The following PRELID2 variants were observed in gnomAD, a reference collection of about 807,000 sequenced individuals.
The protein encoded by PRELID2 is PRELI domain-containing protein 2.
Under a neutral mutation model 28.4 loss-of-function variants are expected in PRELID2, and 25 were observed. The observed-to-expected ratio is 0.88, with a 90% CI of 0.64 to 1.23. The LOEUF (loss-of-function observed/expected upper bound fraction) is 1.23, where lower values mean the gene tolerates loss of function less well. PRELID2 is among the 50% of genes most tolerant of loss of function. The pLI is 0.00. For synonymous variants in PRELID2, 76 were observed against 71.6 expected, an observed-to-expected ratio of 1.06 and a Z score of -0.31; for missense variants, 201 against 214.4, an observed-to-expected ratio of 0.94 and a Z score of 0.39.
intron 1 of PRELID2, among the ~76,000 whole-genome samples, chr5:145,636,082 G>T (rs1753996029): frequency 6.6e-6 from 1 of 152,180 alleles, no homozygotes; most frequent in South Asian, 2.1e-4. Flanking sequence ...ACCACATCCT[G>T]CTGAATTATT....
chr5:145,346,946 G>C, the PRELID2 span, among the ~76,000 whole-genome samples: 1 of 152,122 alleles, frequency 6.6e-6, no homozygotes, highest in African/African-American at 2.4e-5. Context: ...GCTTGATCTG[G>C]ATAAAGAAAT....
chr5:145,317,164 A>AG, the PRELID2 span, among the ~76,000 whole-genome samples: 1 of 152,238 alleles, frequency 6.6e-6, no homozygotes, highest in Admixed American at 6.5e-5. Context: ...CCAGTTTAAT[A>AG]GGTGCTTTCA....
the PRELID2 span, among the ~76,000 whole-genome samples, chr5:145,273,374 C>G: frequency 6.6e-6 from 1 of 152,054 alleles, no homozygotes; most frequent in Admixed American, 6.6e-5. Flanking sequence ...CCACCCGCTA[C>G]CACCTGCCCT....
the PRELID2 span, among the ~76,000 whole-genome samples, chr5:145,391,091 G>T: frequency 2.6e-5 from 4 of 152,178 alleles, no homozygotes; most frequent in Admixed American, 1.3e-4. Flanking sequence ...ATGGGCTGAT[G>T]TTGAGTGTCT....
the PRELID2 span, among the ~76,000 whole-genome samples, chr5:145,320,736 A>G: frequency 6.6e-6 from 1 of 152,204 alleles, no homozygotes; most frequent in Admixed American, 6.5e-5. Flanking sequence ...TATTTGTACC[A>G]TAAGCAGAAA....
chr5:145,474,088 G>C (rs1195262450), intron 1 of PRELID2, among the ~76,000 whole-genome samples: 1 of 152,132 alleles, frequency 6.6e-6, no homozygotes, highest in African/African-American at 2.4e-5. Flanking sequence ...GCAAAGAAAA[G>C]TACTCAATCC....
At chr5:145,565,951 C>A (rs1190753283) in intron 1 of PRELID2, among the ~76,000 whole-genome samples, 3 of 152,154 alleles carry the variant, frequency 2.0e-5, no homozygotes, top group Non-Finnish European at 4.4e-5. Flanking sequence ...GATAGAATGA[C>A]CACATGGACA....
the PRELID2 span, among the ~76,000 whole-genome samples, chr5:145,428,398 C>A: frequency 1.3e-5 from 2 of 152,038 alleles, no homozygotes; most frequent in South Asian, 4.2e-4. Flanking sequence ...CACTTCTAAG[C>A]TTTTCTAGGC....
At chr5:145,410,436 T>G in the PRELID2 span, among the ~76,000 whole-genome samples, 1 of 152,138 alleles carries the variant, frequency 6.6e-6, no homozygotes, top group Non-Finnish European at 1.5e-5. Context: ...TATCATGCTG[T>G]TATGGAGAAA....
intron 1 of PRELID2, among the ~76,000 whole-genome samples, chr5:145,563,890 G>A (rs1031938620): frequency 2.0e-5 from 3 of 152,244 alleles, no homozygotes; most frequent in Middle Eastern, 3.4e-3. Context: ...CTGTGAGAAT[G>A]CCAGAAATTC....
chr5:145,710,335 G>A (rs915475083), intron 1 of PRELID2, among the ~76,000 whole-genome samples: 2 of 152,136 alleles, frequency 1.3e-5, no homozygotes, highest in African/African-American at 4.8e-5. Context: ...GTCTATGTGG[G>A]ATATTTTCCC....
chr5:145,519,760 C>A (rs2126648768), intron 1 of PRELID2, among the ~76,000 whole-genome samples: 1 of 152,076 alleles, frequency 6.6e-6, no homozygotes, highest in African/African-American at 2.4e-5. Context: ...ACCAGCAGAC[C>A]ATTAAAATTA....
intron 1 of PRELID2, among the ~76,000 whole-genome samples, chr5:145,630,110 T>C (rs1044873141): frequency 6.8e-6 from 1 of 146,750 alleles, no homozygotes; most frequent in African/African-American, 2.5e-5. Context: ...AAGTGTGTAC[T>C]CAAAAAAATG....
chr5:145,700,497 G>A (rs1245976604), intron 1 of PRELID2, among the ~76,000 whole-genome samples: 2 of 152,068 alleles, frequency 1.3e-5, no homozygotes, highest in Non-Finnish European at 2.9e-5. Flanking sequence ...AATAGCCACT[G>A]CCAATATCAC....
chr5:145,684,744 G>A (rs897730134), intron 1 of PRELID2, among the ~76,000 whole-genome samples: 11 of 152,156 alleles, frequency 7.2e-5, no homozygotes, highest in African/African-American at 2.4e-4. Context: ...ATTCAGGAAG[G>A]AAACACATGG....
At chr5:145,256,654 G>C in the PRELID2 span, among the ~76,000 whole-genome samples, 1 of 151,788 alleles carries the variant, frequency 6.6e-6, no homozygotes, top group East Asian at 1.9e-4. Flanking sequence ...TCCCAGACAG[G>C]AAAAACACAA....
At chr5:145,707,689 A>T (rs953832227) in intron 1 of PRELID2, among the ~76,000 whole-genome samples, 7 of 152,216 alleles carry the variant, frequency 4.6e-5, no homozygotes, top group African/African-American at 1.7e-4. Flanking sequence ...GAACACTGAG[A>T]AATATTGGAT....
the PRELID2 span, among the ~76,000 whole-genome samples, chr5:145,377,128 C>CT: frequency 6.6e-6 from 1 of 152,132 alleles, no homozygotes; most frequent in African/African-American, 2.4e-5. Context: ...TTGACTTCTG[C>CT]TTTAATTTCA....
In PRELID2 at chr5:145,806,166, C is replaced by T. The variant is rs879359837; in HGVS notation, c.369-9619G>A. ...ATAAATTAAACTTAGATTATTGTAA[C>T]TTTTCTACTTTATAAACGTTTTCAT... On this transcript the variant is annotated intron_variant, in intron 4 of 6. Coordinates refer to ENST00000683046, the MANE Select transcript of PRELID2 (RefSeq NM_205846.3). 3.0e-4 allele frequency among the ~76,000 whole-genome samples: 45 copies of T among 151,968 alleles called. 1 individual carries two copies. The highest frequency in any genetic ancestry group is 1.1e-3 in the African/African-American group (44 of 41,360).
Sources: allele counts gnomAD v4.1 joint callset (sites outside exome capture counted in the v4.1 genomes callset), GRCh38; gene constraint gnomAD v4.1.1; transcripts MANE v1.5; gene names NCBI Gene and HGNC (gene_info 2026-07-23, HGNC 2026-07-21).